Variants in EFHC2 observed in about 807,000 individuals in gnomAD.
EFHC2 encodes EF-hand domain-containing family member C2.
Under a neutral mutation model 52.7 loss-of-function variants are expected in EFHC2, and 18 were observed. The observed-to-expected ratio is 0.34, with a 90% CI of 0.24 to 0.51. The LOEUF is 0.51. EFHC2 is among the 20% of genes least tolerant of loss of function. EFHC2 has a pLI of 0.97. For missense variants in EFHC2, 513 were observed against 562.5 expected, an observed-to-expected ratio of 0.91 and a Z score of 0.89; for synonymous variants, 203 against 204.1, an observed-to-expected ratio of 0.99 and a Z score of 0.04.
At chrX:44,167,253 G>A (rs2147271717) in intron 13 of EFHC2, among the ~76,000 whole-genome samples, 1 of 112,079 alleles carries the variant, frequency 8.9e-6, no homozygotes, top group Non-Finnish European at 1.9e-5. Flanking sequence ...TGGTCCCTTT[G>A]TCTGGAAAGT....
chrX:44,283,532 C>CT (rs3049061), intron 2 of EFHC2, among the ~76,000 whole-genome samples: 4,048 of 88,525 alleles, frequency 0.046, 143 homozygotes, highest in Admixed American at 0.084. Context: ...ACGGAAGTAC[C>CT]TTTTTTTTTT....
intron 2 of EFHC2, among the ~76,000 whole-genome samples, chrX:44,289,506 A>G (rs764187102): frequency 8.1e-5 from 9 of 110,593 alleles, no homozygotes; most frequent in African/African-American, 2.6e-4. Context: ...GAGAATTCCA[A>G]TGTCAACTTT....
chrX:44,218,038 C>A (rs957804967), intron 11 of EFHC2, among the ~76,000 whole-genome samples: 1 of 111,270 alleles, frequency 9.0e-6, no homozygotes, highest in Non-Finnish European at 1.9e-5. Flanking sequence ...ATAGCCCTAT[C>A]CCTCAGAAGA....
At chrX:44,341,993 G>A (rs187337777) in intron 1 of EFHC2, among the ~76,000 whole-genome samples, 24 of 112,508 alleles carry the variant, frequency 2.1e-4, no homozygotes, top group African/African-American at 3.5e-4. Context: ...GCAAAAAGCT[G>A]TAGGCTTTAC....
intron 1 of EFHC2, among the ~76,000 whole-genome samples, chrX:44,324,308 C>A (rs1253284563): frequency 9.0e-6 from 1 of 110,711 alleles, no homozygotes; most frequent in Non-Finnish European, 1.9e-5. Flanking sequence ...AATCAGCATT[C>A]CCCATTCCTT....
chrX:44,235,027 C>A (rs776142881), intron 9 of EFHC2, among the ~76,000 whole-genome samples: 19 of 111,485 alleles, frequency 1.7e-4, no homozygotes, highest in Non-Finnish European at 3.4e-4. Context: ...AGAGGTACCT[C>A]AGAGGCCACA....
chrX:44,249,652 T>C (rs1239310043), intron 5 of EFHC2, among the ~76,000 whole-genome samples: 1 of 112,069 alleles, frequency 8.9e-6, no homozygotes, highest in Non-Finnish European at 1.9e-5. Flanking sequence ...CTCTTTTTAA[T>C]GTTAAATAAA....
rs748612964 is a variant in EFHC2 at position 44,275,521 on chromosome X, A to G, written c.232-2685T>C. ...TGATGTATCAGAGAATCCAGAAAAC[A>G]GAACCTAAAATAAAAACTGTTAAAA... On this transcript the variant is annotated intron_variant, in intron 2 of 14. Coordinates refer to ENST00000420999, the MANE Select transcript of EFHC2 (RefSeq NM_025184.4). Among the ~76,000 whole-genome samples the G allele has an allele frequency of 2.7e-5, 3 of 111,013 alleles. No homozygotes were observed. The South Asian group carries it at 1.2e-3, about 43-fold the overall frequency.
At chrX:44,278,169 G>A (rs2037674758) in intron 2 of EFHC2, among the ~76,000 whole-genome samples, 1 of 112,210 alleles carries the variant, frequency 8.9e-6, no homozygotes, top group Admixed American at 9.4e-5. Context: ...GAGGTCAGGA[G>A]TTGGAGACCA....
At chrX:44,231,570 A>G (rs887658855) in intron 10 of EFHC2, among the ~76,000 whole-genome samples, 1 of 103,358 alleles carries the variant, frequency 9.7e-6, no homozygotes, top group African/African-American at 3.6e-5. Flanking sequence ...AATTTCCACC[A>G]CAACATCTCT....
chrX:44,282,620 C>CGGG (rs1257249546), intron 2 of EFHC2, among the ~76,000 whole-genome samples: 1 of 970 alleles, frequency 1.0e-3, no homozygotes, highest in African/African-American at 4.1e-3. Context: ...CCTCTCGGGG[C>CGGG]GGGGGGGGGG....
chrX:44,248,560 G>C, intron 6 of EFHC2, 150 bp from the exon 7 acceptor site: 1 of 706,584 alleles, frequency 1.4e-6, no homozygotes, highest in Non-Finnish European at 2.1e-6. Flanking sequence ...ACCAGTTGAT[G>C]TTAATATTCT....
chrX:44,222,483 C>G (rs1227505574), intron 11 of EFHC2, among the ~76,000 whole-genome samples: 1 of 112,066 alleles, frequency 8.9e-6, no homozygotes, highest in East Asian at 2.8e-4. Context: ...TGTTTTTAAT[C>G]CAATACCTTC....
Position 44,248,831 on chromosome X carries a change from G to A in EFHC2, c.944C>T (p.Ala315Val), listed in dbSNP as rs761560323. The A allele has an allele frequency of 6.6e-6, 8 of 1,208,874 alleles. No homozygotes were observed. The East Asian group carries it at 8.9e-5, about 13-fold the overall frequency. ...ATATCTATCGAACAGGTAGCCATCCGCTTGGTTCTTTATAAAGTCACCATA... is the reference window on the plus strand; with the variant it reads ...ATATCTATCGAACAGGTAGCCATCCACTTGGTTCTTTATAAAGTCACCATA... Reference protein sequence around the residue: ...NSYGDFIKNQADGYLFDRYKL... With the variant: ...NSYGDFIKNQVDGYLFDRYKL... The change falls in exon 6 of 15, where the codon GCG (alanine) becomes GTG (valine). Residue 315 changes from alanine (A) to valine (V), a missense_variant. Coordinates refer to ENST00000420999, the MANE Select transcript of EFHC2 (RefSeq NM_025184.4).
At chrX:44,210,900 G>T (rs764167253) in intron 11 of EFHC2, among the ~76,000 whole-genome samples, 3 of 111,874 alleles carry the variant, frequency 2.7e-5, no homozygotes, top group Non-Finnish European at 5.6e-5. Flanking sequence ...CAGAGAAATA[G>T]AAAACATTTG....
intron 11 of EFHC2, among the ~76,000 whole-genome samples, chrX:44,226,832 G>A (rs1410273749): frequency 9.2e-6 from 1 of 108,503 alleles, no homozygotes; most frequent in Non-Finnish European, 1.9e-5. Context: ...ACCATGGCAC[G>A]TGTATACCTA....
At position 44,178,435 on chromosome X, in the gene EFHC2, C is replaced by A. The variant is rs1481215545; in HGVS notation, c.1881G>T (p.Lys627Asn). ...MDFLIALAHE[K>N]FKKNMFENFD... is the part of the protein sequence containing the mutation. ...AATTCTCAAACATATTTTTCTTGAA[C>A]TTTTCGTGGGCCAGTGCGATTAAGA... Residue 627 changes from lysine (K) to asparagine (N), a missense_variant, in exon 12 of 15, where the codon AAG becomes AAT. Lys to Asn is a moderately conservative substitution (Grantham distance 94). Transcript: ENST00000420999. 1 of 1,205,181 alleles carries A rather than the reference C, an allele frequency of 8.3e-7. No homozygotes were observed. Among genetic ancestry groups the A allele is most frequent in the Non-Finnish European group, 1.1e-6 (1 of 891,886 alleles).
intron 11 of EFHC2, among the ~76,000 whole-genome samples, chrX:44,204,324 T>A (rs2037031041): frequency 9.5e-6 from 1 of 105,333 alleles, no homozygotes; most frequent in Admixed American, 1.0e-4. Flanking sequence ...AAAACCAGAG[T>A]GTTTTCTCAC....
chrX:44,338,511 C>CA (rs1205924442), intron 1 of EFHC2, among the ~76,000 whole-genome samples: 1,330 of 97,554 alleles, frequency 0.014, 23 homozygotes, highest in African/African-American at 0.044. Context: ...GACCCTATCG[C>CA]AAAAAAAAAA....
Sources: allele counts gnomAD v4.1 joint callset (sites outside exome capture counted in the v4.1 genomes callset), GRCh38; gene constraint gnomAD v4.1.1; transcripts MANE v1.5; gene names NCBI Gene and HGNC (gene_info 2026-07-23, HGNC 2026-07-21).